Variants in SPTBN1 observed in about 807,000 individuals in gnomAD.
SPTBN1 encodes spectrin beta chain, non-erythrocytic 1.
Under a neutral mutation model 266.4 loss-of-function variants are expected in SPTBN1, and 32 were observed. That is an observed-to-expected ratio of 0.12 (90% CI 0.09 to 0.16). The LOEUF (loss-of-function observed/expected upper bound fraction) is 0.16. Ranked by LOEUF, SPTBN1 falls within the 10% of genes least tolerant of loss-of-function variation. SPTBN1 has a pLI of 1.00. For missense variants in SPTBN1, 2,296 were observed against 3,067.1 expected (o/e 0.75, Z 5.94); for synonymous variants, 1,336 against 1,162.2 (o/e 1.15, Z -3.04).
chr2:54,596,047 C>G (rs541428704), intron 2 of SPTBN1, among the ~76,000 whole-genome samples: 1 of 152,112 alleles, frequency 6.6e-6, no homozygotes, highest in East Asian at 1.9e-4. Flanking sequence ...GAAGCAACCA[C>G]GGTTGCTTCA....
intron 1 of SPTBN1, among the ~76,000 whole-genome samples, chr2:54,490,656 C>A (rs568572061): frequency 1.3e-5 from 2 of 152,196 alleles, no homozygotes; most frequent in African/African-American, 4.8e-5. Context: ...ACCTTAGTAG[C>A]AAAGATGGGC....
Position 54,653,525 on chromosome 2 carries a change from A to G in SPTBN1, c.5578-84A>G. 3 of 1,547,338 alleles carry G rather than the reference A, an allele frequency of 1.9e-6. No individual in the cohort carries two copies. The highest frequency in any genetic ancestry group is 1.7e-6 in the Non-Finnish European group (2 of 1,154,500). On this transcript the variant is annotated intron_variant, in intron 26 of 35. Transcript: ENST00000356805. The surrounding 1 kb of genome is among the most constrained non-coding windows in gnomAD (Gnocchi z 5.1). Reference sequence around the variant, plus strand: ...TTTGACTCTGTGCTCCCTTTAGTGTATGAGCAGAACAGAATAGGGCTTGGG... The same window carrying G: ...TTTGACTCTGTGCTCCCTTTAGTGTGTGAGCAGAACAGAATAGGGCTTGGG...
chr2:54,656,037 A>G (rs776964174), intron 29 of SPTBN1, 39 bp downstream of exon 29: 1 of 1,527,436 alleles, frequency 6.5e-7, no homozygotes, highest in Non-Finnish European at 9.0e-7. Context: ...TTTGGGTATC[A>G]ATGGAAAACA....
chr2:54,664,894 T>A lies in SPTBN1; in HGVS notation c.6659+203T>A. 1.7e-6 allele frequency: 1 copy of A among 592,694 alleles called. No homozygotes were observed. The highest frequency in any genetic ancestry group is 2.9e-6 in the Non-Finnish European group (1 of 341,152). The allele number at this position is 592,694 out of a possible 1,614,324, so 36.7% of individuals were successfully genotyped here. On this transcript the variant is annotated intron_variant, in intron 33 of 35. Transcript: ENST00000356805. The surrounding 1 kb of genome is among the most constrained non-coding windows in gnomAD (Gnocchi z 5.6). Reference sequence around the variant, plus strand: ...ATTCACTGAGAGAAGAAGAGTTGAGTTTGGATGGGAGTAGCTAGAAGGGGC... The same window carrying A: ...ATTCACTGAGAGAAGAAGAGTTGAGATTGGATGGGAGTAGCTAGAAGGGGC...
At position 54,624,774 on chromosome 2, in the gene SPTBN1, T is replaced by G. The variant is rs569734697; in HGVS notation, c.1183-30T>G. The G allele has an allele frequency of 2.5e-6, 4 of 1,612,608 alleles. No individual in the cohort carries two copies. The African/African-American group carries it at 4.0e-5, about 16-fold the overall frequency. On this transcript the variant is annotated intron_variant, in intron 10 of 35. Coordinates refer to ENST00000356805, the MANE Select transcript of SPTBN1 (RefSeq NM_003128.3). ...CCTTGAACACTGCAGGAAACTGTGTTTGTGTGTGTGTGTATTTTCATTTTT... is the reference window on the plus strand; with the variant it reads ...CCTTGAACACTGCAGGAAACTGTGTGTGTGTGTGTGTGTATTTTCATTTTT...
chr2:54,463,928 G>A (rs1346455044), intron 1 of SPTBN1, among the ~76,000 whole-genome samples: 1 of 152,164 alleles, frequency 6.6e-6, no homozygotes, highest in Non-Finnish European at 1.5e-5. Flanking sequence ...GATATGAGCA[G>A]ATAGTTTATA....
intron 1 of SPTBN1, among the ~76,000 whole-genome samples, chr2:54,474,710 T>C (rs965467316): frequency 5.9e-5 from 9 of 152,140 alleles, no homozygotes; most frequent in Non-Finnish European, 1.3e-4. Context: ...TAGAAAAATA[T>C]ACAAAAGGGA....
At chr2:54,525,579 T>C (rs1670755591) in intron 1 of SPTBN1, among the ~76,000 whole-genome samples, 1 of 152,160 alleles carries the variant, frequency 6.6e-6, no homozygotes, top group Non-Finnish European at 1.5e-5. Context: ...GTAAGTGAGA[T>C]GTTTAGATAA....
At position 54,664,413 on chromosome 2, in the gene SPTBN1, G is replaced by A. The variant is rs1681240308; in HGVS notation, c.6421-40G>A. On this transcript the variant is annotated intron_variant, in intron 32 of 35. Coordinates refer to ENST00000356805, the MANE Select transcript of SPTBN1 (RefSeq NM_003128.3). This position sits in a 1 kb window ranked among gnomAD's most constrained non-coding sequence, Gnocchi z 5.6. Reference sequence around the variant, plus strand: ...TAGAGCGTATGTGGTCACCCCCATGGCTCACGGAGTTAGCTGAATGGCCTC... The same window carrying A: ...TAGAGCGTATGTGGTCACCCCCATGACTCACGGAGTTAGCTGAATGGCCTC... 1 of 1,587,786 alleles carries A rather than the reference G, an allele frequency of 6.3e-7. No individual in the cohort carries two copies. The highest frequency in any genetic ancestry group is 2.2e-5 in the East Asian group (1 of 44,468).
intron 1 of SPTBN1, among the ~76,000 whole-genome samples, chr2:54,516,722 T>A (rs1323403189): frequency 6.6e-6 from 1 of 152,204 alleles, no homozygotes; most frequent in African/African-American, 2.4e-5. Flanking sequence ...GAGACAAGTC[T>A]CAGTCAATTT....
chr2:54,621,443 T>C lies in SPTBN1; in HGVS notation c.807T>C (p.Tyr269=), dbSNP rs770655663. 6.2e-6 allele frequency: 10 copies of C among 1,614,176 alleles called. No individual in the cohort carries two copies. The South Asian group carries it at 1.1e-4, about 18-fold the overall frequency. Residue 269 remains tyrosine, a synonymous_variant, in exon 8 of 36, where the codon TAT becomes TAC. Transcript: ENST00000356805. The part of the protein sequence containing the change: ...DHPDEKSIIT[Y]VVTYYHYFSK... The stretch of plus-strand genomic sequence containing the variant: ...CTGATGAGAAGTCCATAATCACTTA[T>C]GTGGTGACTTATTACCACTACTTCT...
chr2:54,640,996 T>C (rs1679500207), intron 18 of SPTBN1, among the ~76,000 whole-genome samples: 2 of 152,278 alleles, frequency 1.3e-5, no homozygotes, highest in Admixed American at 6.5e-5. Flanking sequence ...TCTACATGTG[T>C]CTGGTACAGG....
chr2:54,658,459 G>T (rs6705756), intron 30 of SPTBN1, among the ~76,000 whole-genome samples: 50,128 of 152,016 alleles, frequency 0.33, 8,707 homozygotes, highest in Admixed American at 0.38. Flanking sequence ...TAAGTCCCCA[G>T]TCCTGATCCC....
rs138562485 is a variant in SPTBN1, at chr2:54,510,940, A to G, written c.-47-15432A>G. Among the ~76,000 whole-genome samples, 390 of 152,326 alleles carry G rather than the reference A, an allele frequency of 2.6e-3. 2 individuals are homozygous for G. Among genetic ancestry groups the G allele is most frequent in the African/African-American group, 8.8e-3 (367 of 41,552 alleles). On this transcript the variant is annotated intron_variant, in intron 1 of 35. Coordinates refer to ENST00000356805, the MANE Select transcript of SPTBN1 (RefSeq NM_003128.3). ...ATTTGAGCGATAGTAGGAGCCAGAT[A>G]AGTTTGAATTACAAGCCCATGCAGC... is the stretch of plus-strand genomic sequence containing the variant.
Position 54,668,680 on chromosome 2 carries a change from A to ATTTT in SPTBN1, c.*123_*126dup. ...TGCCTAATGTTCCTCAATGTGGTTG[A>ATTTT]TTTTTTTTTTTTTTTAATTTATAGA... On this transcript the variant is annotated 3_prime_UTR_variant, in exon 36 of 36. Coordinates refer to ENST00000356805, the MANE Select transcript of SPTBN1 (RefSeq NM_003128.3). 2 of 552,830 alleles carry ATTTT rather than the reference A, an allele frequency of 3.6e-6. No homozygotes were observed. The highest frequency in any genetic ancestry group is 5.4e-6 in the Non-Finnish European group (2 of 368,498). The allele number at this position is 552,830 out of a possible 1,614,324, so 34.2% of individuals were successfully genotyped here.
intron 32 of SPTBN1, chr2:54,660,386 AG>A: frequency 1.8e-6 from 2 of 1,135,912 alleles, no homozygotes; most frequent in South Asian, 5.3e-5. Flanking sequence ...ATAATGAAGA[AG>A]AAAACTAGAA....
intron 1 of SPTBN1, among the ~76,000 whole-genome samples, chr2:54,469,797 C>G (rs527579190): frequency 1.1e-4 from 17 of 152,294 alleles, no homozygotes; most frequent in Admixed American, 9.2e-4. Flanking sequence ...CAGGTGACTT[C>G]TCTGAGAGGG....
chr2:54,659,872 C>T, intron 31 of SPTBN1, 64 bp from the exon 32 acceptor site: 2 of 1,567,818 alleles, frequency 1.3e-6, no homozygotes, highest in South Asian at 2.3e-5. Flanking sequence ...CCCACCCTTT[C>T]TTACTGTTTC....
At chr2:54,617,772 C>A in intron 6 of SPTBN1, 84 bp downstream of exon 6, 1 of 1,399,608 alleles carries the variant, frequency 7.1e-7, no homozygotes, top group Non-Finnish European at 1.0e-6. Context: ...TTTTCCATAT[C>A]CGTTGGCTTA....
Sources: allele counts gnomAD v4.1 joint callset (sites outside exome capture counted in the v4.1 genomes callset), GRCh38; gene constraint gnomAD v4.1.1; non-coding constraint Gnocchi (gnomAD v3.1); transcripts MANE v1.5; gene names NCBI Gene and HGNC (gene_info 2026-07-23, HGNC 2026-07-21).